The following HSD11B2 variants were observed in gnomAD, a reference collection of about 807,000 sequenced individuals.
The protein encoded by HSD11B2 is 11-beta-hydroxysteroid dehydrogenase type 2.
In HSD11B2, 17 loss-of-function variants were observed where a neutral mutation model predicts 20.9. The observed-to-expected ratio is 0.81, with a 90% CI of 0.56 to 1.22. The LOEUF (loss-of-function observed/expected upper bound fraction) is 1.22. Among genes scored for constraint, HSD11B2 ranks in the 50% most tolerant of loss-of-function variants. The pLI is 0.00. For synonymous variants in HSD11B2, 253 were observed against 255.4 expected, an observed-to-expected ratio of 0.99 and a Z score of 0.09; for missense variants, 480 against 563.6, an observed-to-expected ratio of 0.85 and a Z score of 1.50.
rs2040974203 is a variant in HSD11B2, at chr16:67,436,446, G to T, written c.802+60G>T. 1 of 1,535,752 alleles carries T rather than the reference G, an allele frequency of 6.5e-7. No individual in the cohort carries two copies. Among genetic ancestry groups the T allele is most frequent in the Non-Finnish European group, 8.8e-7 (1 of 1,133,780 alleles). On this transcript the variant is annotated intron_variant, in intron 4 of 4. Coordinates refer to ENST00000326152, the MANE Select transcript of HSD11B2 (RefSeq NM_000196.4). The surrounding 1 kb of genome is among the most constrained non-coding windows in gnomAD (Gnocchi z 5.7). ...GGAATGGGGCTGGGAATGGTCTTAT[G>T]GGGGCAGGTCAGGTTTGATGAATGG...
chr16:67,430,227 T>C (rs189648476), upstream of HSD11B2, among the ~76,000 whole-genome samples: 1 of 152,152 alleles, frequency 6.6e-6, no homozygotes, highest in Admixed American at 6.5e-5. This position sits in a 1 kb window ranked among gnomAD's most constrained non-coding sequence, Gnocchi z 5.4. Flanking sequence ...ATACCACTTA[T>C]TTTACCCCCT....
intron 2 of HSD11B2, 45 bp from the exon 3 acceptor site, chr16:67,435,911 CT>C: frequency 6.2e-7 from 1 of 1,613,762 alleles, no homozygotes; most frequent in South Asian, 1.1e-5. Context: ...TGGAAGTTTG[CT>C]GCTGGGCTGA....
In HSD11B2 at chr16:67,436,400, C is replaced by T; in HGVS notation, c.802+14C>T. 1 of 197,074 alleles carries T rather than the reference C, an allele frequency of 5.1e-6. No homozygotes were observed. The allele number at this position is 197,074 out of a possible 1,614,324, so 12.2% of individuals were successfully genotyped here. On this transcript the variant is annotated intron_variant, in intron 4 of 4. Transcript: ENST00000326152. This position sits in a 1 kb window ranked among gnomAD's most constrained non-coding sequence, Gnocchi z 5.7. ...GCTTCAAGACAGGTGGGAATCAGGG[C>T]TGGGGGTGGGGTGGGGGTGGGGAAT...
chr16:67,429,817 A>T (rs1033057685), upstream of HSD11B2, among the ~76,000 whole-genome samples: 1 of 152,120 alleles, frequency 6.6e-6, no homozygotes, highest in African/African-American at 2.4e-5. Context: ...TCCCTGGCTC[A>T]CCAGGGGGCT....
chr16:67,431,218 GC>G lies in HSD11B2; in HGVS notation c.-27del. On this transcript the variant is annotated 5_prime_UTR_variant, in exon 1 of 5. Coordinates refer to ENST00000326152, the MANE Select transcript of HSD11B2 (RefSeq NM_000196.4). The stretch of plus-strand genomic sequence containing the variant: ...CTCCCCGCTCCCCGGCCCGGCCCCC[GC>G]CCCGCCCCGCCCCAGCCCGCTGGGC... The G allele has an allele frequency of 6.3e-6, 7 of 1,110,670 alleles. No homozygotes were observed. Among genetic ancestry groups the G allele is most frequent in the Non-Finnish European group, 7.8e-6 (7 of 900,222 alleles). 68.8% of individuals were successfully genotyped at this position (1,110,670 alleles called of 1,614,324 possible).
chr16:67,432,259 A>T (rs867361448), intron 1 of HSD11B2, among the ~76,000 whole-genome samples: 1 of 103,418 alleles, frequency 9.7e-6, no homozygotes. Context: ...GGGAAGGGGA[A>T]GGGGGGGGGG....
rs1263624159 is a variant in HSD11B2, at chr16:67,436,636, T to G, written c.851T>G (p.Leu284Arg). ...GQWEKRKQLLLANLPQELLQA... is the reference protein window; with the variant it reads ...GQWEKRKQLLRANLPQELLQA... ...TGGGAAAAGCGCAAGCAATTGCTGC[T>G]GGCCAACCTGCCTCAAGAGCTGCTG... The change falls in exon 5 of 5, where the codon CTG (leucine) becomes CGG (arginine). Residue 284 changes from leucine to arginine, a missense_variant. Leu to Arg is a moderately radical substitution (Grantham distance 102, BLOSUM62 -2). Coordinates refer to ENST00000326152, the MANE Select transcript of HSD11B2 (RefSeq NM_000196.4). This position sits in a 1 kb window ranked among gnomAD's most constrained non-coding sequence, Gnocchi z 5.7. The G allele has an allele frequency of 7.4e-6, 12 of 1,614,066 alleles. No homozygotes were observed. In the African/African-American group the frequency reaches 1.6e-4, roughly 22 times the overall value.
rs1459537657 is a variant in HSD11B2, at chr16:67,431,209, C to T, written c.-40C>T. On this transcript the variant is annotated 5_prime_UTR_variant, in exon 1 of 5. Coordinates refer to ENST00000326152, the MANE Select transcript of HSD11B2 (RefSeq NM_000196.4). ...AAGCTCTCTCTCCCCGCTCCCCGGC[C>T]CGGCCCCCGCCCCGCCCCGCCCCAG... 3.6e-6 allele frequency: 4 copies of T among 1,123,140 alleles called. No homozygotes were observed. The highest frequency in any genetic ancestry group is 4.4e-6 in the Non-Finnish European group (4 of 911,688). 69.6% of individuals were successfully genotyped at this position (1,123,140 alleles called of 1,614,324 possible). A position where few individuals can be genotyped will look rare whatever the true frequency, so the allele number is the denominator to read the frequency against.
In HSD11B2 at chr16:67,436,153, C is replaced by G. The variant is rs770523823; in HGVS notation, c.664+11C>G. ...TGGGGAGCCCAGCGGGTGAGTGCCC[C>G]CCCCCACTGGAGCAAAAAGGAGCCC... is the stretch of plus-strand genomic sequence containing the variant. On this transcript the variant is annotated intron_variant, in intron 3 of 4. Transcript: ENST00000326152. This position sits in a 1 kb window ranked among gnomAD's most constrained non-coding sequence, Gnocchi z 5.7. The G allele has an allele frequency of 3.7e-6, 6 of 1,613,630 alleles. No homozygotes were observed. Among genetic ancestry groups the G allele is most frequent in the East Asian group, 4.5e-5 (2 of 44,876 alleles).
intron 1 of HSD11B2, among the ~76,000 whole-genome samples, chr16:67,435,186 G>C (rs1490878005): frequency 1.4e-5 from 2 of 144,152 alleles, no homozygotes; most frequent in African/African-American, 5.3e-5. Context: ...CTGGGCAACA[G>C]AGCGAGACCC....
rs1296807727 is a variant in HSD11B2 at position 67,431,417 on chromosome 16, G to A, written c.169G>A (p.Ala57Thr). ...CCAGCGCCTGCTGCCCCCGCCGGCC[G>A]CACTCGCCGTGCTGGCCGCCGCCGG... Reference protein sequence around the residue: ...LCQRLLPPPAALAVLAAAGWI... With the variant: ...LCQRLLPPPATLAVLAAAGWI... Residue 57 changes from alanine (A) to threonine (T), a missense_variant, in exon 1 of 5, where the codon GCA becomes ACA. Coordinates refer to ENST00000326152, the MANE Select transcript of HSD11B2 (RefSeq NM_000196.4). 2.3e-6 allele frequency: 3 copies of A among 1,288,358 alleles called. No individual in the cohort carries two copies. Among genetic ancestry groups the A allele is most frequent in the South Asian group, 4.7e-5 (2 of 42,758 alleles). The allele number at this position is 1,288,358 out of a possible 1,614,324, so 79.8% of individuals were successfully genotyped here.
In HSD11B2 at chr16:67,431,159, C is replaced by A; in HGVS notation, c.-90C>A. ...CCTCTCGCGCCCCAGGCCGGTGTAC[C>A]CCCGCACTCCGCGCCCCGGCCTAGA... On this transcript the variant is annotated 5_prime_UTR_variant, in exon 1 of 5. Coordinates refer to ENST00000326152, the MANE Select transcript of HSD11B2 (RefSeq NM_000196.4). 2 of 701,042 alleles carry A rather than the reference C, an allele frequency of 2.9e-6. No homozygotes were observed. Among genetic ancestry groups the A allele is most frequent in the South Asian group, 6.1e-5 (1 of 16,482 alleles). The allele number at this position is 701,042 out of a possible 1,614,324, so 43.4% of individuals were successfully genotyped here.
intron 1 of HSD11B2, chr16:67,433,189 C>G (rs1044970161): frequency 6.6e-6 from 1 of 152,168 alleles, no homozygotes; most frequent in Non-Finnish European, 1.5e-5. Flanking sequence ...GTACAAGCAT[C>G]AGTAAGACTC....
rs1418962890 is a variant in HSD11B2 at position 67,435,954 on chromosome 16, C to A, written c.479-3C>A. On this transcript the variant is annotated splice_region_variant and splice_polypyrimidine_tract_variant and intron_variant, in intron 2 of 4. Coordinates refer to ENST00000326152, the MANE Select transcript of HSD11B2 (RefSeq NM_000196.4). The stretch of plus-strand genomic sequence containing the variant: ...GCTTCCCTCCTCTGCTCTGTGACCC[C>A]AGGCCTGTGGGGCCTCGTCAACAAC... The A allele has an allele frequency of 1.9e-6, 3 of 1,614,206 alleles. No homozygotes were observed. The highest frequency in any genetic ancestry group is 2.5e-6 in the Non-Finnish European group (3 of 1,180,042).
At position 67,437,067 on chromosome 16, in the gene HSD11B2, C is replaced by A; in HGVS notation, c.*64C>A. On this transcript the variant is annotated 3_prime_UTR_variant, in exon 5 of 5. Coordinates refer to ENST00000326152, the MANE Select transcript of HSD11B2 (RefSeq NM_000196.4). ...GGCTCCGTGAGCCCTTGGTTCCTCC[C>A]CGAAAACCCCCAGCATTACGATCCC... 1 of 1,506,062 alleles carries A rather than the reference C, an allele frequency of 6.6e-7. No individual in the cohort carries two copies. Among genetic ancestry groups the A allele is most frequent in the Non-Finnish European group, 9.0e-7 (1 of 1,106,752 alleles). The allele number at this position is 1,506,062 out of a possible 1,614,324, so 93.3% of individuals were successfully genotyped here. A position where few individuals can be genotyped will look rare whatever the true frequency, so the allele number is the denominator to read the frequency against.
chr16:67,431,194 TCCCCGCTCCCCGGCCCGGCCCCCGCCCCG>T lies in HSD11B2; in HGVS notation c.-48_-20del. The T allele has an allele frequency of 9.7e-7, 1 of 1,034,714 alleles. No individual in the cohort carries two copies. The highest frequency in any genetic ancestry group is 1.2e-6 in the Non-Finnish European group (1 of 838,476). The allele number at this position is 1,034,714 out of a possible 1,614,324, so 64.1% of individuals were successfully genotyped here. A position where few individuals can be genotyped will look rare whatever the true frequency, so the allele number is the denominator to read the frequency against. On this transcript the variant is annotated 5_prime_UTR_variant, in exon 1 of 5. Transcript: ENST00000326152. ...CGCGCCCCGGCCTAGAAGCTCTCTC[TCCCCGCTCCCCGGCCCGGCCCCCGCCCCG>T]CCCCGCCCCAGCCCGCTGGGCCGCC...
At chr16:67,430,515 C>G (rs1427512178), upstream of HSD11B2, 2 of 152,728 alleles carry the variant, frequency 1.3e-5, no homozygotes, top group East Asian at 3.9e-4. This position sits in a 1 kb window ranked among gnomAD's most constrained non-coding sequence, Gnocchi z 5.4. Context: ...CCCCCGCCAG[C>G]CCCTGTCCCA....
intron 1 of HSD11B2, chr16:67,435,396 G>A (rs1022358735): frequency 4.8e-6 from 3 of 631,482 alleles, no homozygotes; most frequent in African/African-American, 1.8e-5. Context: ...CACATTAGTG[G>A]GGTAGCCACG....
upstream of HSD11B2, chr16:67,430,996 G>C (rs943294701): frequency 5.2e-5 from 10 of 193,622 alleles, no homozygotes; most frequent in Non-Finnish European, 9.1e-5. This position sits in a 1 kb window ranked among gnomAD's most constrained non-coding sequence, Gnocchi z 5.4. Context: ...GGCGGGGGGG[G>C]AGCACCTGCC....
Sources: allele counts gnomAD v4.1 joint callset (sites outside exome capture counted in the v4.1 genomes callset), GRCh38; gene constraint gnomAD v4.1.1; non-coding constraint Gnocchi (gnomAD v3.1); transcripts MANE v1.5; gene names NCBI Gene and HGNC (gene_info 2026-07-23, HGNC 2026-07-21).